Variants in THSD4 observed in about 807,000 individuals in gnomAD.
THSD4 encodes thrombospondin type 1 domain containing 4.
THSD4 carries 69 observed loss-of-function variants against 119.0 expected under a neutral mutation model. That is an observed-to-expected ratio of 0.58 (90% CI 0.48 to 0.71). The LOEUF is 0.71. THSD4 is among the 30% of genes least tolerant of loss of function. The probability of loss-of-function intolerance (pLI) is 0.00; values close to 1 mark genes in which losing one functional copy is unlikely to be tolerated. For missense variants in THSD4, 1,393 were observed against 1,391.1 expected, an observed-to-expected ratio of 1.00 and a Z score of -0.02; for synonymous variants, 524 against 540.4, an observed-to-expected ratio of 0.97 and a Z score of 0.42.
chr15:71,447,047 G>C (rs1466815774), intron 7 of THSD4, among the ~76,000 whole-genome samples: 2 of 151,568 alleles, frequency 1.3e-5, no homozygotes, highest in Non-Finnish European at 2.9e-5. Context: ...TTAGCATGGA[G>C]GAAGGGGGAA....
intron 14 of THSD4, among the ~76,000 whole-genome samples, chr15:71,756,655 G>C (rs983857529): frequency 3.3e-5 from 5 of 152,196 alleles, no homozygotes; most frequent in Non-Finnish European, 7.3e-5. Context: ...ATGGTCGTGA[G>C]CACCTGGAGC....
rs775275789 is a variant in THSD4, at chr15:71,341,114, C to T, written c.1016-70573C>T. 3.9e-6 allele frequency: 5 copies of T among 1,284,698 alleles called. No individual in the cohort carries two copies. The Admixed American group carries it at 7.2e-5, about 18-fold the overall frequency. The allele number at this position is 1,284,698 out of a possible 1,614,324, so 79.6% of individuals were successfully genotyped here. On this transcript the variant is annotated intron_variant, in intron 6 of 17. Coordinates refer to ENST00000261862, the MANE Select transcript of THSD4 (RefSeq NM_024817.3). ...TGTCTCTTCTGTCTTCCCTCTCTCT[C>T]CCTTTTTTTTTTCCTTTTAATTACA... is the stretch of plus-strand genomic sequence containing the variant.
At chr15:71,608,487 C>G (rs2050160429) in intron 7 of THSD4, among the ~76,000 whole-genome samples, 1 of 152,092 alleles carries the variant, frequency 6.6e-6, no homozygotes, top group African/African-American at 2.4e-5. Context: ...TATGAGCATG[C>G]AATAATTTAT....
At chr15:71,424,806 G>T (rs1398876726) in intron 7 of THSD4, among the ~76,000 whole-genome samples, 1 of 152,146 alleles carries the variant, frequency 6.6e-6, no homozygotes, top group African/African-American at 2.4e-5. Flanking sequence ...GTTTGGGGGT[G>T]TATGTATTAT....
intron 7 of THSD4, among the ~76,000 whole-genome samples, chr15:71,530,462 A>T (rs7165465): frequency 6.6e-6 from 1 of 152,032 alleles, no homozygotes; most frequent in Non-Finnish European, 1.5e-5. Flanking sequence ...TTCTTCATTG[A>T]GGAGGCCAAG....
chr15:71,208,631 C>A (rs139014243), intron 3 of THSD4, among the ~76,000 whole-genome samples: 1 of 151,968 alleles, frequency 6.6e-6, no homozygotes, highest in Non-Finnish European at 1.5e-5. Flanking sequence ...CCTGCCTCAC[C>A]CTCCTGAGTA....
intron 4 of THSD4, among the ~76,000 whole-genome samples, chr15:71,238,093 G>A (rs567073291): frequency 3.0e-4 from 46 of 151,910 alleles, no homozygotes; most frequent in Non-Finnish European, 4.3e-4. Flanking sequence ...ATGTACTTAC[G>A]TTGTCAGGGC....
chr15:71,336,852 GACTTTCAC>G (rs1294006718), intron 6 of THSD4, among the ~76,000 whole-genome samples: 2 of 152,192 alleles, frequency 1.3e-5, no homozygotes, highest in African/African-American at 4.8e-5. Context: ...AAACGAGCTA[GACTTTCAC>G]ACTTTCACCG....
intron 7 of THSD4, among the ~76,000 whole-genome samples, chr15:71,527,181 C>T (rs1323371079): frequency 5.3e-5 from 8 of 152,222 alleles, no homozygotes; most frequent in Middle Eastern, 6.8e-3. Flanking sequence ...AAAGTAGAGA[C>T]GGGGCCCTCA....
chr15:71,287,303 G>A (rs1269962750), intron 6 of THSD4, among the ~76,000 whole-genome samples: 1 of 152,182 alleles, frequency 6.6e-6, no homozygotes, highest in Non-Finnish European at 1.5e-5. Flanking sequence ...TCATCATGCT[G>A]TGTTAATACT....
intron 8 of THSD4, among the ~76,000 whole-genome samples, chr15:71,674,215 G>C (rs976797113): frequency 6.6e-6 from 1 of 152,102 alleles, no homozygotes; most frequent in African/African-American, 2.4e-5. Context: ...CTCTGCTCTT[G>C]CTCTTATGTG....
At chr15:71,209,713 G>A (rs895578420) in intron 3 of THSD4, among the ~76,000 whole-genome samples, 1 of 152,148 alleles carries the variant, frequency 6.6e-6, no homozygotes, top group South Asian at 2.1e-4. Context: ...GGGTGATATG[G>A]TTGTGTCCCC....
chr15:71,465,087 A>G (rs1320409929), intron 7 of THSD4, among the ~76,000 whole-genome samples: 1 of 152,128 alleles, frequency 6.6e-6, no homozygotes, highest in Admixed American at 6.5e-5. Context: ...CAACCTCCCC[A>G]TGCTTGCCCT....
intron 6 of THSD4, among the ~76,000 whole-genome samples, chr15:71,377,273 G>A (rs1481819516): frequency 6.6e-6 from 1 of 152,168 alleles, no homozygotes; most frequent in Non-Finnish European, 1.5e-5. Flanking sequence ...CACTAAATGA[G>A]TTTGAGGTGA....
At chr15:71,551,597 G>T (rs1045715162) in intron 7 of THSD4, among the ~76,000 whole-genome samples, 2 of 152,110 alleles carry the variant, frequency 1.3e-5, no homozygotes, top group Non-Finnish European at 2.9e-5. Context: ...ATCAACAAAA[G>T]GAAAAGGTTC....
chr15:71,304,307 A>C (rs898804643), intron 6 of THSD4, among the ~76,000 whole-genome samples: 1 of 152,030 alleles, frequency 6.6e-6, no homozygotes, highest in Non-Finnish European at 1.5e-5. Context: ...AGGGGAAAGA[A>C]GAAGGAGTCT....
At chr15:71,387,433 TG>T (rs2046309537) in intron 6 of THSD4, among the ~76,000 whole-genome samples, 1 of 152,180 alleles carries the variant, frequency 6.6e-6, no homozygotes, top group African/African-American at 2.4e-5. Flanking sequence ...TTTTATAATT[TG>T]TTTTCCTTCC....
intron 6 of THSD4, among the ~76,000 whole-genome samples, chr15:71,403,221 T>G (rs1441146392): frequency 6.6e-6 from 1 of 152,152 alleles, no homozygotes; most frequent in Non-Finnish European, 1.5e-5. Flanking sequence ...TACTCCTTTA[T>G]TGTGGTAGTC....
intron 7 of THSD4, among the ~76,000 whole-genome samples, chr15:71,544,070 T>C (rs564077707): frequency 5.9e-5 from 9 of 152,214 alleles, no homozygotes; most frequent in Admixed American, 2.0e-4. Context: ...GTGTAAAGCA[T>C]TGGGGCCATT....
Sources: gnomAD v4.1 joint callset for allele counts (sites outside exome capture counted in the v4.1 genomes callset) on GRCh38, gnomAD v4.1.1 for gene constraint, MANE v1.5 for transcripts, NCBI Gene and HGNC (gene_info 2026-07-23, HGNC 2026-07-21) for gene names.